Variants in ADGRB3 observed in about 807,000 individuals in gnomAD.
The protein encoded by ADGRB3 is brain-specific angiogenesis inhibitor 3.
In ADGRB3, 37 loss-of-function variants were observed where a neutral mutation model predicts 193.4. The observed-to-expected ratio is 0.19, with a 90% CI of 0.15 to 0.25. The LOEUF (loss-of-function observed/expected upper bound fraction) is 0.25, where lower values mean the gene tolerates loss of function less well. ADGRB3 is among the 10% of genes least tolerant of loss of function. The probability of loss-of-function intolerance (pLI) is 1.00; values close to 1 mark genes in which losing one functional copy is unlikely to be tolerated. For synonymous variants in ADGRB3, 690 were observed against 644.2 expected (o/e 1.07, Z -1.08); for missense variants, 1,637 against 1,852.9 (o/e 0.88, Z 2.14).
intron 17 of ADGRB3, among the ~76,000 whole-genome samples, chr6:69,119,441 C>T (rs569427912): frequency 2.0e-5 from 3 of 152,056 alleles, no homozygotes; most frequent in Non-Finnish European, 2.9e-5. Context: ...AATAAATAAG[C>T]AGATTATATT....
chr6:69,232,212 G>A (rs1766156011), intron 17 of ADGRB3, among the ~76,000 whole-genome samples: 1 of 152,110 alleles, frequency 6.6e-6, no homozygotes, highest in South Asian at 2.1e-4. Flanking sequence ...GACAATTGGT[G>A]CATTCAGTAC....
At chr6:68,670,435 G>A (rs533959593) in intron 3 of ADGRB3, among the ~76,000 whole-genome samples, 1 of 151,922 alleles carries the variant, frequency 6.6e-6, no homozygotes, top group Admixed American at 6.6e-5. Flanking sequence ...ATTTTGATTT[G>A]ATTTTTATAC....
At chr6:68,703,045 A>G (rs1016342532) in intron 3 of ADGRB3, among the ~76,000 whole-genome samples, 9 of 152,128 alleles carry the variant, frequency 5.9e-5, no homozygotes, top group Non-Finnish European at 1.2e-4. Context: ...CAGATATAAG[A>G]TGCATTGATG....
At chr6:68,761,631 G>T (rs1391031290) in intron 3 of ADGRB3, among the ~76,000 whole-genome samples, 1 of 151,304 alleles carries the variant, frequency 6.6e-6, no homozygotes, top group Non-Finnish European at 1.5e-5. Context: ...TATTATATAG[G>T]CTGTAGGTGA....
intron 3 of ADGRB3, among the ~76,000 whole-genome samples, chr6:68,737,543 C>CCATACAATACATA (rs1201406696): frequency 4.6e-5 from 7 of 152,016 alleles, no homozygotes; most frequent in Non-Finnish European, 8.8e-5. Flanking sequence ...ACTTGTTCCC[C>CCATACAATACATA]CATACAATAA....
At chr6:68,849,023 T>C (rs1278671012) in intron 3 of ADGRB3, among the ~76,000 whole-genome samples, 1 of 151,960 alleles carries the variant, frequency 6.6e-6, no homozygotes, top group Non-Finnish European at 1.5e-5. Flanking sequence ...ATAAGATTGA[T>C]TAATTTTTTA....
intron 3 of ADGRB3, among the ~76,000 whole-genome samples, chr6:68,673,230 C>T (rs1300546682): frequency 6.6e-6 from 1 of 151,928 alleles, no homozygotes; most frequent in Non-Finnish European, 1.5e-5. Context: ...CCCTCATTTC[C>T]CTTTCTGACT....
intron 3 of ADGRB3, among the ~76,000 whole-genome samples, chr6:68,882,757 A>G (rs1385498455): frequency 6.6e-6 from 1 of 152,142 alleles, no homozygotes; most frequent in Non-Finnish European, 1.5e-5. Flanking sequence ...TTTATTATAA[A>G]CAGTTTATAC....
At chr6:68,837,131 C>T (rs1768061227) in intron 3 of ADGRB3, among the ~76,000 whole-genome samples, 1 of 152,124 alleles carries the variant, frequency 6.6e-6, no homozygotes. Context: ...ATGCACACCC[C>T]AAACCAGGAA....
intron 3 of ADGRB3, among the ~76,000 whole-genome samples, chr6:68,654,068 G>C (rs1290796523): frequency 6.6e-6 from 1 of 151,980 alleles, no homozygotes; most frequent in Non-Finnish European, 1.5e-5. Context: ...TTCTACAATA[G>C]GTCATGAGGA....
In ADGRB3 at chr6:69,361,056, T is replaced by A. The variant is rs768020579; in HGVS notation, c.3783T>A (p.Ser1261Arg). ...CCACAGGTTTGCACATGCCCATGAG[T>A]ATGAATGAGCTTAGCAATCCATGTT... ...QQPTGLHMPM[S>R]MNELSNPCLK... The change falls in exon 29 of 32, where the codon AGT becomes AGA. Residue 1261 changes from serine (S) to arginine (R), a missense_variant. This residue lies in a region of ADGRB3 where 368 missense variants were observed against 367.4 expected (regional missense o/e 1.00). Transcript: ENST00000370598. 41 of 1,612,696 alleles carry A rather than the reference T, an allele frequency of 2.5e-5. 1 individual carries two copies. The Admixed American group carries it at 6.2e-4, about 24-fold the overall frequency.
At chr6:69,332,390 A>G (rs915381383) in intron 23 of ADGRB3, 2 of 985,326 alleles carry the variant, frequency 2.0e-6, no homozygotes, top group Non-Finnish European at 2.4e-6. Context: ...TTCTGCTTAG[A>G]AAAGCATGGT....
chr6:69,254,025 T>A (rs1194238532), intron 20 of ADGRB3, among the ~76,000 whole-genome samples: 1 of 152,134 alleles, frequency 6.6e-6, no homozygotes, highest in South Asian at 2.1e-4. Context: ...GCACACTTTT[T>A]ACATGGAAGC....
chr6:68,648,556 A>G (rs191786652), intron 3 of ADGRB3, among the ~76,000 whole-genome samples: 1 of 150,448 alleles, frequency 6.6e-6, no homozygotes, highest in Admixed American at 6.7e-5. Flanking sequence ...TTTAGGATGT[A>G]GCAAATGTAC....
At chr6:69,065,520 T>A (rs1582434455) in intron 16 of ADGRB3, among the ~76,000 whole-genome samples, 1 of 152,174 alleles carries the variant, frequency 6.6e-6, no homozygotes, top group East Asian at 1.9e-4. Context: ...TTTTGTGAAA[T>A]ACTTTGGGAA....
chr6:69,035,541 G>A (rs1325395634), intron 13 of ADGRB3, among the ~76,000 whole-genome samples: 2 of 152,112 alleles, frequency 1.3e-5, no homozygotes, highest in Admixed American at 1.3e-4. Flanking sequence ...AGAGGAAGAA[G>A]TTAGAGACCA....
chr6:69,316,296 A>T (rs1314836903), intron 20 of ADGRB3, among the ~76,000 whole-genome samples: 2 of 151,486 alleles, frequency 1.3e-5, no homozygotes, highest in African/African-American at 4.8e-5. Context: ...ATTTTTTCAA[A>T]GTGAAATTAA....
rs202081226 is a variant in ADGRB3 at position 69,132,255 on chromosome 6, C to T, written c.2480+56217C>T. ...TACACTCCCATCAACAGTGTAAAAG[C>T]GTTCCTATTTCCACATCTTCTCCAG... On this transcript the variant is annotated intron_variant, in intron 17 of 31. Coordinates refer to ENST00000370598, the MANE Select transcript of ADGRB3 (RefSeq NM_001704.3). Among the ~76,000 whole-genome samples the T allele has an allele frequency of 2.3e-4, 35 of 152,164 alleles. No individual in the cohort carries two copies. In the East Asian group the frequency reaches 6.0e-3, roughly 26 times the overall value.
chr6:69,186,474 T>C (rs1765070556), intron 17 of ADGRB3, among the ~76,000 whole-genome samples: 1 of 151,588 alleles, frequency 6.6e-6, no homozygotes, highest in Non-Finnish European at 1.5e-5. Flanking sequence ...CTACCAAGTA[T>C]AGAACGAGAA....
Sources: gnomAD v4.1 joint callset for allele counts (sites outside exome capture counted in the v4.1 genomes callset) on GRCh38, gnomAD v4.1.1 for gene constraint, gnomAD v4.1.1 regional missense constraint, MANE v1.5 for transcripts, NCBI Gene and HGNC (gene_info 2026-07-23, HGNC 2026-07-21) for gene names.